PTPRZ1: variants seen among roughly 807,000 people sequenced by gnomAD.
PTPRZ1 encodes the protein protein tyrosine phosphatase receptor type Z1, also known as receptor-type tyrosine-protein phosphatase zeta.
PTPRZ1 carries 82 observed loss-of-function variants against 214.1 expected under a neutral mutation model. The observed-to-expected ratio is 0.38, with a 90% confidence interval of 0.32 to 0.46. PTPRZ1 has a LOEUF of 0.46. Among genes scored for constraint, PTPRZ1 ranks in the 20% least tolerant of loss-of-function variants. The probability of loss-of-function intolerance (pLI) is 1.00; values close to 1 mark genes in which losing one functional copy is unlikely to be tolerated. For synonymous variants in PTPRZ1, 945 were observed against 987.9 expected (o/e 0.96, Z 0.81); for missense variants, 2,603 against 2,748.7 (o/e 0.95, Z 1.19).
chr7:121,983,154 GT>G (rs1289603604), intron 6 of PTPRZ1, among the ~76,000 whole-genome samples: 4 of 152,054 alleles, frequency 2.6e-5, no homozygotes, highest in African/African-American at 7.2e-5. Flanking sequence ...TAAGATTTTC[GT>G]TTCTTTTTTC....
chr7:122,059,097 ATT>A (rs59593536), intron 28 of PTPRZ1, among the ~76,000 whole-genome samples, 155 bp downstream of exon 28: 163 of 148,252 alleles, frequency 1.1e-3, no homozygotes, highest in African/African-American at 1.4e-3. Flanking sequence ...AACACAGAAC[ATT>A]TTTTTTTTTT....
At position 122,038,707 on chromosome 7, in the gene PTPRZ1, T is replaced by C. The variant is rs765884210; in HGVS notation, c.5368-48T>C. 688 of 1,581,334 alleles carry C rather than the reference T, an allele frequency of 4.4e-4. 1 individual carries two copies. Among genetic ancestry groups the C allele is most frequent in the Admixed American group, 6.0e-4 (35 of 58,750 alleles). ...AACTTAGGCATTGTACAGTTAAAGA[T>C]GACATATAAATCAGTTAGTAGGAAA... is the stretch of plus-strand genomic sequence containing the variant. On this transcript the variant is annotated intron_variant, in intron 18 of 29. Coordinates refer to ENST00000393386, the MANE Select transcript of PTPRZ1 (RefSeq NM_002851.3).
chr7:121,950,489 T>G (rs189828959), intron 2 of PTPRZ1, among the ~76,000 whole-genome samples: 2 of 152,324 alleles, frequency 1.3e-5, no homozygotes, highest in African/African-American at 2.4e-5. Flanking sequence ...AAATCCAAGA[T>G]AGTAGGCTTG....
At chr7:121,963,935 G>T (rs939336809) in intron 2 of PTPRZ1, among the ~76,000 whole-genome samples, 7 of 151,844 alleles carry the variant, frequency 4.6e-5, no homozygotes, top group African/African-American at 1.7e-4. Context: ...GCTATATGTT[G>T]TCCTAACCTC....
At chr7:121,928,342 T>C in intron 2 of PTPRZ1, 121 bp downstream of exon 2, 1 of 611,938 alleles carries the variant, frequency 1.6e-6, no homozygotes, top group Non-Finnish European at 2.8e-6. Context: ...AAATGGATAG[T>C]TAGATTAATT....
Position 121,980,309 on chromosome 7 carries a change from ACAGTCCACTTGT to A in PTPRZ1, c.620-3351_620-3340del, listed in dbSNP as rs1584706606. On this transcript the variant is annotated intron_variant, in intron 6 of 29. Coordinates refer to ENST00000393386, the MANE Select transcript of PTPRZ1 (RefSeq NM_002851.3). The stretch of plus-strand genomic sequence containing the variant: ...GTCTTCAGTGGGAAAAGGAACAATT[ACAGTCCACTTGT>A]CAGTTAAGGAGGTAATTTAACTACA... Among the ~76,000 whole-genome samples, 3 of 152,230 alleles carry A rather than the reference ACAGTCCACTTGT, an allele frequency of 2.0e-5. No homozygotes were observed. In the East Asian group the frequency reaches 5.8e-4, roughly 29 times the overall value.
chr7:122,011,605 G>T lies in PTPRZ1; in HGVS notation c.2559G>T (p.Lys853Asn), dbSNP rs1007947579. Reference sequence around the variant, plus strand: ...TTACTTCAGCTACCGAGAGTGATAAGGTGCCCTTGCATGCTTCTCTGCCAG... The same window carrying T: ...TTACTTCAGCTACCGAGAGTGATAATGTGCCCTTGCATGCTTCTCTGCCAG... ...PQVTSATESD[K>N]VPLHASLPVA... Residue 853 changes from lysine to asparagine, a missense_variant, in exon 12 of 30, where the codon AAG (lysine) becomes AAT (asparagine). Transcript: ENST00000393386. 6.2e-7 allele frequency: 1 copy of T among 1,614,048 alleles called. No individual in the cohort carries two copies. Among genetic ancestry groups the T allele is most frequent in the Non-Finnish European group, 8.5e-7 (1 of 1,179,990 alleles).
intron 2 of PTPRZ1, among the ~76,000 whole-genome samples, chr7:121,959,302 A>G (rs1247399605): frequency 2.6e-5 from 4 of 152,222 alleles, no homozygotes; most frequent in Admixed American, 2.6e-4. Context: ...CAGAAAACAA[A>G]GGAAAATGTA....
intron 9 of PTPRZ1, 146 bp from the exon 10 acceptor site, chr7:121,997,734 C>A (rs1009069869): frequency 2.0e-6 from 1 of 494,474 alleles, no homozygotes; most frequent in Non-Finnish European, 3.3e-6. Context: ...TTTAACTAAG[C>A]AACATTGCAT....
intron 2 of PTPRZ1, among the ~76,000 whole-genome samples, chr7:121,942,073 T>C (rs899680022): frequency 1.3e-5 from 2 of 152,194 alleles, no homozygotes; most frequent in Non-Finnish European, 2.9e-5. Flanking sequence ...CATAGATGAT[T>C]GCCTGAATCA....
At chr7:121,910,839 A>G (rs1001700800) in intron 1 of PTPRZ1, among the ~76,000 whole-genome samples, 2 of 152,160 alleles carry the variant, frequency 1.3e-5, no homozygotes, top group African/African-American at 4.8e-5. Flanking sequence ...TCTAAAACCA[A>G]TGTTTCATCT....
chr7:121,873,321 C>G lies in PTPRZ1; in HGVS notation c.-179C>G, dbSNP rs1362853212. 3 of 546,238 alleles carry G rather than the reference C, an allele frequency of 5.5e-6. No individual in the cohort carries two copies. Among genetic ancestry groups the G allele is most frequent in the South Asian group, 4.5e-5 (2 of 44,618 alleles). 33.8% of individuals were successfully genotyped at this position (546,238 alleles called of 1,614,324 possible). On this transcript the variant is annotated 5_prime_UTR_variant, in exon 1 of 30. Coordinates refer to ENST00000393386, the MANE Select transcript of PTPRZ1 (RefSeq NM_002851.3). ...TCTCTCTGTCTCTGTCTCTGTCTCTCTCTCTCTCACACACACACACACACA... is the reference window on the plus strand; with the variant it reads ...TCTCTCTGTCTCTGTCTCTGTCTCTGTCTCTCTCACACACACACACACACA...
chr7:121,882,660 T>C (rs1794277466), intron 1 of PTPRZ1, among the ~76,000 whole-genome samples: 1 of 152,168 alleles, frequency 6.6e-6, no homozygotes, highest in South Asian at 2.1e-4. Context: ...ATGACTGGAA[T>C]AGATCTCTTT....
At chr7:121,940,867 T>C (rs1458285233) in intron 2 of PTPRZ1, among the ~76,000 whole-genome samples, 4 of 151,926 alleles carry the variant, frequency 2.6e-5, no homozygotes, top group Non-Finnish European at 5.9e-5. Flanking sequence ...GGCCCACCTA[T>C]CCTGTTTCAT....
chr7:121,908,139 A>G (rs1388641201), intron 1 of PTPRZ1, among the ~76,000 whole-genome samples: 1 of 152,138 alleles, frequency 6.6e-6, no homozygotes, highest in Non-Finnish European at 1.5e-5. Flanking sequence ...TATATTAAGA[A>G]GGGTTAATCA....
chr7:121,891,786 G>C (rs1794632144), intron 1 of PTPRZ1, among the ~76,000 whole-genome samples: 1 of 151,710 alleles, frequency 6.6e-6, no homozygotes, highest in African/African-American at 2.4e-5. Context: ...ATCGTTTCTA[G>C]GTCACATTTT....
intron 2 of PTPRZ1, among the ~76,000 whole-genome samples, chr7:121,955,599 C>T (rs1430195303): frequency 2.0e-5 from 3 of 152,180 alleles, no homozygotes; most frequent in Non-Finnish European, 2.9e-5. Context: ...ACATTGAGGG[C>T]AGCTAGTTAA....
At chr7:121,953,080 T>C (rs1319014892) in intron 2 of PTPRZ1, among the ~76,000 whole-genome samples, 1 of 152,234 alleles carries the variant, frequency 6.6e-6, no homozygotes, top group Non-Finnish European at 1.5e-5. Context: ...TCTCTAATTC[T>C]TGAAGTCACT....
At chr7:121,908,351 A>C (rs1795175757) in intron 1 of PTPRZ1, 6 of 316,612 alleles carry the variant, frequency 1.9e-5, no homozygotes, top group Admixed American at 4.5e-5. Flanking sequence ...AAATGTGTAG[A>C]TCAATCCCTT....
Sources: gnomAD v4.1 joint callset for allele counts (sites outside exome capture counted in the v4.1 genomes callset) on GRCh38, gnomAD v4.1.1 for gene constraint, MANE v1.5 for transcripts, NCBI Gene and HGNC (gene_info 2026-07-23, HGNC 2026-07-21) for gene names.